TTC39C: variants seen among roughly 807,000 people sequenced by gnomAD.
TTC39C encodes the protein tetratricopeptide repeat protein 39C.
Under a neutral mutation model 76.3 loss-of-function variants are expected in TTC39C, and 33 were observed. The observed-to-expected ratio is 0.43, with a 90% CI of 0.33 to 0.58. The LOEUF (loss-of-function observed/expected upper bound fraction) is 0.58, where lower values mean the gene tolerates loss of function less well. TTC39C is among the 20% of genes least tolerant of loss of function. TTC39C has a pLI of 0.04. For missense variants in TTC39C, 595 were observed against 701.4 expected (o/e 0.85, Z 1.71); for synonymous variants, 254 against 260.6 (o/e 0.97, Z 0.24).
intron 1 of TTC39C, among the ~76,000 whole-genome samples, chr18:24,060,899 C>T (rs1475117237): frequency 1.3e-5 from 2 of 152,154 alleles, no homozygotes; most frequent in South Asian, 4.1e-4. Context: ...TAGGGATGTA[C>T]TGTCAGATTA....
intron 1 of TTC39C, among the ~76,000 whole-genome samples, chr18:24,039,804 G>C (rs2083770641): frequency 6.6e-6 from 1 of 152,174 alleles, no homozygotes. Flanking sequence ...TGTTATAGGA[G>C]GTAGATTCAG....
chr18:24,073,344 A>T (rs1416754197), intron 4 of TTC39C, among the ~76,000 whole-genome samples: 1 of 152,106 alleles, frequency 6.6e-6, no homozygotes, highest in Non-Finnish European at 1.5e-5. Flanking sequence ...CTGCCCTTCC[A>T]CTACCTCATC....
At chr18:24,107,307 A>G (rs1343313480) in intron 6 of TTC39C, among the ~76,000 whole-genome samples, 5 of 151,660 alleles carry the variant, frequency 3.3e-5, no homozygotes, top group African/African-American at 7.3e-5. Context: ...ACACACACAC[A>G]CACGCACGCA....
At chr18:24,020,215 GA>G in intron 1 of TTC39C, 3 of 1,091,344 alleles carry the variant, frequency 2.7e-6, no homozygotes, top group Non-Finnish European at 3.3e-6. Context: ...TGGTGTGTTG[GA>G]AAAAGGCATC....
At chr18:24,007,890 A>T (rs1354040360) in intron 1 of TTC39C, among the ~76,000 whole-genome samples, 4 of 604 alleles carry the variant, frequency 6.6e-3, no homozygotes, top group Non-Finnish European at 0.018. Flanking sequence ...AGAAGGACAC[A>T]CTGACTTTAA....
At chr18:24,009,012 ACACAAAGAGGGGAAC>A (rs2083375835) in intron 1 of TTC39C, among the ~76,000 whole-genome samples, 1 of 152,204 alleles carries the variant, frequency 6.6e-6, no homozygotes, top group Non-Finnish European at 1.5e-5. Context: ...GAACATATGG[ACACAAAGAGGGGAAC>A]CACAGACGCC....
At chr18:24,097,196 G>A (rs1006829589) in intron 6 of TTC39C, among the ~76,000 whole-genome samples, 1 of 152,196 alleles carries the variant, frequency 6.6e-6, no homozygotes, top group Non-Finnish European at 1.5e-5. Context: ...AGTAGCAGAT[G>A]TTATCATTCT....
At chr18:23,994,362 A>T (rs2083243301) in intron 1 of TTC39C, 1 of 151,724 alleles carries the variant, frequency 6.6e-6, no homozygotes, top group Non-Finnish European at 1.5e-5. Flanking sequence ...ATCAGTCTGT[A>T]TTTCCAAAAC....
chr18:24,124,970 G>A (rs2085029328), intron 9 of TTC39C, among the ~76,000 whole-genome samples: 1 of 152,136 alleles, frequency 6.6e-6, no homozygotes, highest in Non-Finnish European at 1.5e-5. Context: ...TTGGCTCACC[G>A]CAACCTCCGC....
intron 8 of TTC39C, among the ~76,000 whole-genome samples, chr18:24,123,213 G>A (rs1056799298): frequency 1.3e-5 from 2 of 152,046 alleles, no homozygotes; most frequent in African/African-American, 4.8e-5. Flanking sequence ...CCCTAACTAG[G>A]TTGTACACTG....
intron 1 of TTC39C, among the ~76,000 whole-genome samples, chr18:24,052,650 G>C (rs915439312): frequency 2.8e-4 from 43 of 152,180 alleles, no homozygotes; most frequent in African/African-American, 1.0e-3. Flanking sequence ...ATTAGACGAT[G>C]ATCCCGAATT....
At chr18:24,008,505 A>G (rs974519993) in intron 1 of TTC39C, among the ~76,000 whole-genome samples, 4 of 152,232 alleles carry the variant, frequency 2.6e-5, no homozygotes, top group Non-Finnish European at 5.9e-5. Context: ...AGTTACGTGA[A>G]TAGAAGGAAA....
At chr18:24,111,581 A>T (rs1358168434) in intron 6 of TTC39C, among the ~76,000 whole-genome samples, 3 of 136,050 alleles carry the variant, frequency 2.2e-5, no homozygotes, top group Non-Finnish European at 4.8e-5. Context: ...AAAAAAAAAA[A>T]GATCATTTTT....
intron 6 of TTC39C, among the ~76,000 whole-genome samples, chr18:24,102,543 G>A (rs71360541): frequency 3.3e-5 from 5 of 152,186 alleles, no homozygotes; most frequent in African/African-American, 7.2e-5. Flanking sequence ...GGGTGGAGAC[G>A]ACTGGAGAGG....
intron 1 of TTC39C, among the ~76,000 whole-genome samples, chr18:24,029,137 C>T (rs927745577): frequency 4.0e-5 from 6 of 151,614 alleles, no homozygotes; most frequent in East Asian, 1.9e-4. Flanking sequence ...GAGTCTTGCT[C>T]TGTTGCCCAG....
chr18:24,008,613 C>T (rs970798396), intron 1 of TTC39C, among the ~76,000 whole-genome samples: 4 of 152,104 alleles, frequency 2.6e-5, no homozygotes, highest in African/African-American at 9.7e-5. Flanking sequence ...CATTGTGGAA[C>T]GCAGTGTGGC....
chr18:24,108,738 T>TGCC (rs2084776504), intron 6 of TTC39C, among the ~76,000 whole-genome samples: 1 of 152,242 alleles, frequency 6.6e-6, no homozygotes, highest in South Asian at 2.1e-4. Flanking sequence ...ATGGTTTATT[T>TGCC]CTTTTTGTCC....
intron 1 of TTC39C, among the ~76,000 whole-genome samples, chr18:24,023,964 A>ATATACG (rs2083552849): frequency 9.8e-5 from 1 of 10,198 alleles, no homozygotes; most frequent in Non-Finnish European, 5.1e-4. Flanking sequence ...ATATATATAT[A>ATATACG]TATATATATA....
At position 24,107,845 on chromosome 18, in the gene TTC39C, G is replaced by A. The variant is rs576598080; in HGVS notation, c.985-6709G>A. Among the ~76,000 whole-genome samples, 20 of 150,824 alleles carry A rather than the reference G, an allele frequency of 1.3e-4. No homozygotes were observed. The East Asian group carries it at 3.4e-3, about 25-fold the overall frequency. On this transcript the variant is annotated intron_variant, in intron 6 of 13. Coordinates refer to ENST00000317571, the MANE Select transcript of TTC39C (RefSeq NM_001135993.2). ...CAAAATCACAGCTCATTGCAGCCTCGACCTCCCGGCTCAAGCAATCCTCCC... is the reference window on the plus strand; with the variant it reads ...CAAAATCACAGCTCATTGCAGCCTCAACCTCCCGGCTCAAGCAATCCTCCC...
Sources: gnomAD v4.1 joint callset for allele counts (sites outside exome capture counted in the v4.1 genomes callset) on GRCh38, gnomAD v4.1.1 for gene constraint, MANE v1.5 for transcripts, NCBI Gene and HGNC (gene_info 2026-07-23, HGNC 2026-07-21) for gene names.